DRC11: variants seen among roughly 807,000 people sequenced by gnomAD.
The protein encoded by DRC11 is dynein regulatory complex subunit 11.
At chr2:236,331,471 A>C in the DRC11 span, 94 of 1,613,888 alleles carry the variant, frequency 5.8e-5, no homozygotes, top group East Asian at 1.7e-3. This position sits in a 1 kb window ranked among gnomAD's most constrained non-coding sequence, Gnocchi z 4.8. Flanking sequence ...CTGATCTGTG[A>C]GCACGCCTTT....
chr2:236,335,328 G>A, the DRC11 span, among the ~76,000 whole-genome samples: 28,794 of 152,146 alleles, frequency 0.19, 2,957 homozygotes, highest in African/African-American at 0.23. This position sits in a 1 kb window ranked among gnomAD's most constrained non-coding sequence, Gnocchi z 5.6. Flanking sequence ...GTCACTGGAG[G>A]AAATGCTGGA....
the DRC11 span, among the ~76,000 whole-genome samples, chr2:236,427,785 A>T: frequency 1.3e-5 from 2 of 151,876 alleles, no homozygotes; most frequent in East Asian, 3.9e-4. This position sits in a 1 kb window ranked among gnomAD's most constrained non-coding sequence, Gnocchi z 5.9. Flanking sequence ...GTACTTAATA[A>T]TAGTTTGTTT....
chr2:236,386,838 G>A, the DRC11 span, among the ~76,000 whole-genome samples: 9 of 149,308 alleles, frequency 6.0e-5, no homozygotes, highest in South Asian at 2.3e-4. Flanking sequence ...CTTTGAATGC[G>A]TCCCAGAGAT....
the DRC11 span, among the ~76,000 whole-genome samples, chr2:236,494,119 G>A: frequency 6.6e-6 from 1 of 152,040 alleles, no homozygotes; most frequent in Admixed American, 6.6e-5. The surrounding 1 kb of genome is among the most constrained non-coding windows in gnomAD (Gnocchi z 4.2). Context: ...TTACAGAAAA[G>A]CATCAAGAGT....
the DRC11 span, among the ~76,000 whole-genome samples, chr2:236,395,376 G>A: frequency 6.6e-6 from 1 of 152,196 alleles, no homozygotes; most frequent in Non-Finnish European, 1.5e-5. Flanking sequence ...CGAGAGCCAA[G>A]GTATAGAAAA....
At chr2:236,378,795 C>T in the DRC11 span, among the ~76,000 whole-genome samples, 1 of 152,070 alleles carries the variant, frequency 6.6e-6, no homozygotes, top group Non-Finnish European at 1.5e-5. Context: ...CAGGAGGTGC[C>T]GGTGTTTACG....
the DRC11 span, chr2:236,507,307 C>T: frequency 6.2e-7 from 1 of 1,613,494 alleles, no homozygotes; most frequent in African/African-American, 1.3e-5. Flanking sequence ...CTCCGGGAAG[C>T]TCTTCCGTTG....
chr2:236,419,117 C>A, the DRC11 span: 2 of 1,506,288 alleles, frequency 1.3e-6, no homozygotes, highest in Admixed American at 2.5e-5. The surrounding 1 kb of genome is among the most constrained non-coding windows in gnomAD (Gnocchi z 4.8). Context: ...AAAATGAAAT[C>A]AAATTTCTAA....
the DRC11 span, chr2:236,331,717 C>T: frequency 2.8e-6 from 2 of 722,876 alleles, no homozygotes; most frequent in South Asian, 1.9e-5. The surrounding 1 kb of genome is among the most constrained non-coding windows in gnomAD (Gnocchi z 4.8). Flanking sequence ...TCTACTCTAG[C>T]TTATTTGTAA....
chr2:236,414,261 T>C, the DRC11 span, among the ~76,000 whole-genome samples: 1 of 152,214 alleles, frequency 6.6e-6, no homozygotes, highest in African/African-American at 2.4e-5. Flanking sequence ...TTCCCTTTTA[T>C]GGATCCTGCT....
the DRC11 span, among the ~76,000 whole-genome samples, chr2:236,485,241 C>G: frequency 6.6e-6 from 1 of 151,632 alleles, no homozygotes; most frequent in Admixed American, 6.6e-5. Context: ...ATATATATGT[C>G]ATATATATGT....
chr2:236,408,841 C>G, the DRC11 span: 1 of 657,566 alleles, frequency 1.5e-6, no homozygotes, highest in South Asian at 1.6e-5. This position sits in a 1 kb window ranked among gnomAD's most constrained non-coding sequence, Gnocchi z 5.5. Context: ...GGCAGTGTCT[C>G]CACAATAGTC....
chr2:236,419,416 G>C, the DRC11 span: 1 of 1,294,454 alleles, frequency 7.7e-7, no homozygotes, highest in Non-Finnish European at 1.0e-6. This position sits in a 1 kb window ranked among gnomAD's most constrained non-coding sequence, Gnocchi z 4.8. Context: ...CCCTTCTGGG[G>C]CATGGTGGGG....
the DRC11 span, chr2:236,344,514 G>A: frequency 4.9e-6 from 7 of 1,442,242 alleles, no homozygotes; most frequent in Non-Finnish European, 6.8e-6. Context: ...GGCCTCCTTT[G>A]GAGGAAAGAA....
At chr2:236,326,684 T>C in the DRC11 span, among the ~76,000 whole-genome samples, 1 of 152,186 alleles carries the variant, frequency 6.6e-6, no homozygotes, top group Non-Finnish European at 1.5e-5. Context: ...GAAGTCATGC[T>C]CTCATTTATT....
At chr2:236,434,794 G>A in the DRC11 span, among the ~76,000 whole-genome samples, 30 of 151,990 alleles carry the variant, frequency 2.0e-4, no homozygotes, top group Admixed American at 3.9e-4. The surrounding 1 kb of genome is among the most constrained non-coding windows in gnomAD (Gnocchi z 5.5). Context: ...TCCTATAATC[G>A]CTACCTTTCT....
At chr2:236,482,506 A>C in the DRC11 span, among the ~76,000 whole-genome samples, 2 of 152,196 alleles carry the variant, frequency 1.3e-5, no homozygotes, top group Non-Finnish European at 2.9e-5. This position sits in a 1 kb window ranked among gnomAD's most constrained non-coding sequence, Gnocchi z 4.5. Context: ...TCCTTGTGTT[A>C]AGAATGAGCA....
the DRC11 span, among the ~76,000 whole-genome samples, chr2:236,416,549 G>T: frequency 6.6e-5 from 10 of 151,528 alleles, no homozygotes; most frequent in African/African-American, 2.4e-4. Flanking sequence ...GTGGAACGTG[G>T]TTAAAGAAAG....
At chr2:236,459,616 A>ATATACATATACGTATATAC in the DRC11 span, among the ~76,000 whole-genome samples, 2 of 130,876 alleles carry the variant, frequency 1.5e-5, no homozygotes, top group African/African-American at 2.8e-5. Flanking sequence ...TACGTATATA[A>ATATACATATACGTATATAC]GTATATACAT....
Sources: allele counts gnomAD v4.1 joint callset (sites outside exome capture counted in the v4.1 genomes callset), GRCh38; gene constraint gnomAD v4.1.1; non-coding constraint Gnocchi (gnomAD v3.1); transcripts MANE v1.5; gene names NCBI Gene and HGNC (gene_info 2026-07-23, HGNC 2026-07-21).